Variants in STIM2 observed in about 807,000 individuals in gnomAD.
The protein encoded by STIM2 is stromal interaction molecule 2.
Under a neutral mutation model 85.8 loss-of-function variants are expected in STIM2, and 31 were observed. That is an observed-to-expected ratio of 0.36 (90% CI 0.27 to 0.49). The LOEUF is 0.49. Ranked by LOEUF, STIM2 falls within the 20% of genes least tolerant of loss-of-function variation. STIM2 has a pLI of 0.98. For missense variants in STIM2, 841 were observed against 927.6 expected, an observed-to-expected ratio of 0.91 and a Z score of 1.21; for synonymous variants, 356 against 331.1, an observed-to-expected ratio of 1.08 and a Z score of -0.82.
Position 26,861,049 on chromosome 4 carries a change from G to T in STIM2, c.-170G>T. 1 of 1,190,208 alleles carries T rather than the reference G, an allele frequency of 8.4e-7. No individual in the cohort carries two copies. The allele number at this position is 1,190,208 out of a possible 1,614,324, so 73.7% of individuals were successfully genotyped here. ...GGGAGCCCGTGTCTGAGGCGGCGGG[G>T]GCGGCCGGAGGAGTCGCCGGCGGCG... On this transcript the variant is annotated 5_prime_UTR_variant, in exon 1 of 12. Transcript: ENST00000467087.
At chr4:26,874,106 G>A in intron 1 of STIM2, 1 of 574,668 alleles carries the variant, frequency 1.7e-6, no homozygotes, top group Admixed American at 2.2e-5. Flanking sequence ...CAGCTTGGAG[G>A]CTCTGCTGCC....
chr4:26,903,213 C>G lies in STIM2; in HGVS notation c.152-16291C>G, dbSNP rs1424738210. ...AATAAAATAACTTGGCCCCCTACCT[C>G]TAGTCTGTTGCCCTTAAATCCATAC... On this transcript the variant is annotated intron_variant, in intron 1 of 11. Coordinates refer to ENST00000467087, the MANE Select transcript of STIM2 (RefSeq NM_020860.4). Among the ~76,000 whole-genome samples, 5 of 152,262 alleles carry G rather than the reference C, an allele frequency of 3.3e-5. No individual in the cohort carries two copies. In the East Asian group the frequency reaches 9.7e-4, roughly 29 times the overall value.
chr4:26,968,561 T>A (rs1726818193), intron 3 of STIM2, among the ~76,000 whole-genome samples: 1 of 152,070 alleles, frequency 6.6e-6, no homozygotes, highest in Admixed American at 6.6e-5. Context: ...AGAATTTCAG[T>A]TTTGTGTAAT....
At chr4:26,898,675 C>T (rs545052197) in intron 1 of STIM2, among the ~76,000 whole-genome samples, 1 of 152,042 alleles carries the variant, frequency 6.6e-6, no homozygotes, top group South Asian at 2.1e-4. Flanking sequence ...TTTTTTTCAC[C>T]CTTATGTATC....
intron 10 of STIM2, among the ~76,000 whole-genome samples, chr4:27,016,529 G>A (rs1728738772): frequency 6.6e-6 from 1 of 152,156 alleles, no homozygotes; most frequent in Non-Finnish European, 1.5e-5. Context: ...TAGACCCTCT[G>A]GTAGTATGAA....
At chr4:26,943,495 C>G (rs535730431) in intron 2 of STIM2, among the ~76,000 whole-genome samples, 27 of 152,170 alleles carry the variant, frequency 1.8e-4, no homozygotes, top group Non-Finnish European at 3.7e-4. Context: ...CCTTTAGGCA[C>G]AACCTCGCCT....
intron 1 of STIM2, among the ~76,000 whole-genome samples, chr4:26,881,980 G>A (rs1723030973): frequency 6.6e-6 from 1 of 152,202 alleles, no homozygotes; most frequent in South Asian, 2.1e-4. Context: ...TTTACTGACA[G>A]ATTGCTTTCT....
At chr4:26,933,759 G>GA (rs1201269043) in intron 2 of STIM2, among the ~76,000 whole-genome samples, 1 of 124,608 alleles carries the variant, frequency 8.0e-6, no homozygotes, top group African/African-American at 3.0e-5. Flanking sequence ...AAAAAAACAA[G>GA]AAAAAAAAGG....
intron 1 of STIM2, among the ~76,000 whole-genome samples, chr4:26,885,783 T>C (rs977887982): frequency 7.2e-6 from 1 of 138,210 alleles, no homozygotes; most frequent in Non-Finnish European, 1.6e-5. Context: ...TCAGTGCTAG[T>C]TGTATTATGA....
intron 1 of STIM2, chr4:26,874,399 G>T (rs902464863): frequency 1.4e-5 from 3 of 220,098 alleles, no homozygotes; most frequent in African/African-American, 7.0e-5. Context: ...CACCCCCAAC[G>T]TCTGCCCGAC....
intron 1 of STIM2, among the ~76,000 whole-genome samples, chr4:26,862,139 T>A (rs1722235836): frequency 6.6e-6 from 1 of 152,102 alleles, no homozygotes; most frequent in South Asian, 2.1e-4. Context: ...TTTTAATATA[T>A]AGAACGATCT....
chr4:26,960,218 C>A (rs1726395357), intron 3 of STIM2, among the ~76,000 whole-genome samples: 1 of 152,034 alleles, frequency 6.6e-6, no homozygotes, highest in Non-Finnish European at 1.5e-5. Context: ...AAAAGTAGTT[C>A]TTCTGAAAAA....
At chr4:26,973,054 G>A (rs1727025954) in intron 3 of STIM2, among the ~76,000 whole-genome samples, 1 of 152,144 alleles carries the variant, frequency 6.6e-6, no homozygotes, top group Admixed American at 6.5e-5. Flanking sequence ...TTCTCTGATG[G>A]TAGTTTGCGT....
chr4:26,895,428 A>G (rs1723662861), intron 1 of STIM2, among the ~76,000 whole-genome samples: 1 of 152,166 alleles, frequency 6.6e-6, no homozygotes, highest in Non-Finnish European at 1.5e-5. Context: ...GTTTAAAATA[A>G]CAAATACCAT....
At chr4:26,910,311 C>T (rs1190737695) in intron 1 of STIM2, among the ~76,000 whole-genome samples, 1 of 151,908 alleles carries the variant, frequency 6.6e-6, no homozygotes, top group Non-Finnish European at 1.5e-5. Flanking sequence ...CACTTGTGGT[C>T]AGGAGTTCAA....
intron 1 of STIM2, among the ~76,000 whole-genome samples, chr4:26,902,534 T>C (rs1318229187): frequency 1.3e-5 from 2 of 152,102 alleles, no homozygotes; most frequent in Admixed American, 6.6e-5. Context: ...AATAAGACTT[T>C]TCAGTATAGG....
chr4:26,904,845 A>G (rs1724064193), intron 1 of STIM2, among the ~76,000 whole-genome samples: 1 of 151,988 alleles, frequency 6.6e-6, no homozygotes, highest in Non-Finnish European at 1.5e-5. Flanking sequence ...GAAAAATGTA[A>G]AGGATGAATT....
intron 11 of STIM2, among the ~76,000 whole-genome samples, chr4:27,018,690 T>G (rs756319067): frequency 3.3e-5 from 5 of 152,178 alleles, no homozygotes; most frequent in Non-Finnish European, 5.9e-5. Context: ...GACATGTAGG[T>G]AGATATTTTG....
chr4:26,969,985 T>C (rs1232490705), intron 3 of STIM2, among the ~76,000 whole-genome samples: 2 of 144,126 alleles, frequency 1.4e-5, no homozygotes, highest in Non-Finnish European at 3.0e-5. Flanking sequence ...ATTTTAAAAT[T>C]TGAGCAGTTT....
Sources: gnomAD v4.1 joint callset for allele counts (sites outside exome capture counted in the v4.1 genomes callset) on GRCh38, gnomAD v4.1.1 for gene constraint, MANE v1.5 for transcripts, NCBI Gene and HGNC (gene_info 2026-07-23, HGNC 2026-07-21) for gene names.